AGO3: variants seen among roughly 807,000 people sequenced by gnomAD.
AGO3 encodes argonaute RISC catalytic component 3, also known as protein argonaute-3.
AGO3 carries 16 observed loss-of-function variants against 105.5 expected under a neutral mutation model. The ratio of observed to expected loss-of-function variants is 0.15; its 90% CI spans 0.10 to 0.23. The LOEUF is 0.23. AGO3 is among the 10% of genes least tolerant of loss of function. The pLI, the probability that AGO3 is intolerant of heterozygous loss-of-function variation, is 1.00. For synonymous variants in AGO3, 340 were observed against 367.3 expected (o/e 0.93, Z 0.85); for missense variants, 534 against 1,088.0 (o/e 0.49, Z 7.16).
intron 12 of AGO3, among the ~76,000 whole-genome samples, chr1:36,033,131 A>G (rs1265192424): frequency 6.6e-6 from 1 of 151,778 alleles, no homozygotes; most frequent in African/African-American, 2.4e-5. Flanking sequence ...CGAAACTCTT[A>G]TCTCAAAAAT....
chr1:35,997,935 G>A (rs1419660344), intron 5 of AGO3, among the ~76,000 whole-genome samples: 2 of 152,148 alleles, frequency 1.3e-5, no homozygotes, highest in Non-Finnish European at 2.9e-5. Context: ...GACCTCAGGT[G>A]ATCCACCCGC....
rs182696033 is a variant in AGO3 at position 36,060,874 on chromosome 1, G to A, written c.*5129G>A. 51 of 152,248 alleles carry A rather than the reference G, an allele frequency of 3.3e-4. No individual in the cohort carries two copies. Among genetic ancestry groups the A allele is most frequent in the African/African-American group, 8.2e-4 (34 of 41,538 alleles). 9.4% of individuals were successfully genotyped at this position (152,248 alleles called of 1,614,324 possible). A position where few individuals can be genotyped will look rare whatever the true frequency, so the allele number is the denominator to read the frequency against. ...ATGTCTTAAAGCTTCAGTAAGAATT[G>A]TTGGGAGGTTTGACATCAAGTAACG... is the stretch of plus-strand genomic sequence containing the variant. On this transcript the variant is annotated 3_prime_UTR_variant, in exon 19 of 19. Coordinates refer to ENST00000373191, the MANE Select transcript of AGO3 (RefSeq NM_024852.4).
chr1:35,994,154 G>A (rs1648040001), intron 5 of AGO3, among the ~76,000 whole-genome samples: 1 of 143,266 alleles, frequency 7.0e-6, no homozygotes, highest in Admixed American at 7.6e-5. Context: ...GAGCTATGCT[G>A]CTCAGGCTGG....
intron 4 of AGO3, 119 bp downstream of exon 4, chr1:35,972,351 A>T: frequency 8.6e-7 from 1 of 1,159,212 alleles, no homozygotes; most frequent in South Asian, 1.5e-5. Context: ...GAAATGTTGA[A>T]CAAGAATAGC....
At position 36,013,689 on chromosome 1, in the gene AGO3, G is replaced by A. The variant is rs41267265; in HGVS notation, c.1209G>A (p.Arg403=). The change falls in exon 10 of 19, where the codon CGG becomes CGA. Residue 403 remains arginine (R), a synonymous_variant. Transcript: ENST00000373191. ...PFVQEFQFKV[R]DEMAHVTGRV... ...TTCAGGAGTTTCAATTTAAAGTTCG[G>A]GATGAAATGGCTCATGTAACTGGAC... is the stretch of plus-strand genomic sequence containing the variant. The A allele has an allele frequency of 5.4e-3, 8,742 of 1,614,172 alleles. 46 individuals carry two copies. The highest frequency in any genetic ancestry group is 6.3e-3 in the Non-Finnish European group (7,458 of 1,180,028).
chr1:35,988,536 C>T (rs747235863), intron 5 of AGO3, among the ~76,000 whole-genome samples: 2 of 151,900 alleles, frequency 1.3e-5, no homozygotes, highest in Non-Finnish European at 2.9e-5. Flanking sequence ...CAGTATTTGT[C>T]TTTCTGTGTC....
intron 5 of AGO3, among the ~76,000 whole-genome samples, chr1:35,987,879 C>T (rs908137764): frequency 2.0e-5 from 3 of 151,768 alleles, no homozygotes; most frequent in Non-Finnish European, 2.9e-5. Flanking sequence ...ACCAGCCTGA[C>T]CAACATGGTG....
intron 8 of AGO3, 26 bp downstream of exon 8, chr1:36,009,070 T>C: frequency 6.8e-7 from 1 of 1,478,442 alleles, no homozygotes; most frequent in Non-Finnish European, 8.8e-7. Context: ...TGCTAATTAA[T>C]ACCCTGTTGT....
At chr1:36,010,156 G>A (rs376113596) in intron 9 of AGO3, among the ~76,000 whole-genome samples, 15 of 151,942 alleles carry the variant, frequency 9.9e-5, no homozygotes, top group Middle Eastern at 3.4e-3. Context: ...AGCCAGGATG[G>A]TCTCCATCTC....
At position 35,938,022 on chromosome 1, in the gene AGO3, C is replaced by G. The variant is rs1247046152; in HGVS notation, c.19+6577C>G. ...TTGAGACGGAGTCTTGCTCTGTCGC[C>G]CAGGCTGGAGTGCAATGGCATGATC... is the stretch of plus-strand genomic sequence containing the variant. On this transcript the variant is annotated intron_variant, in intron 1 of 18. Coordinates refer to ENST00000373191, the MANE Select transcript of AGO3 (RefSeq NM_024852.4). Among the ~76,000 whole-genome samples, 8 of 150,580 alleles carry G rather than the reference C, an allele frequency of 5.3e-5. No individual in the cohort carries two copies. In the South Asian group the frequency reaches 1.7e-3, roughly 32 times the overall value.
At chr1:36,015,218 T>C (rs1166280867) in intron 11 of AGO3, among the ~76,000 whole-genome samples, 1 of 152,160 alleles carries the variant, frequency 6.6e-6, no homozygotes, top group East Asian at 1.9e-4. Flanking sequence ...AAACACTTAC[T>C]ATGTTTACTG....
rs1261395986 is a variant in AGO3 at position 36,036,239 on chromosome 1, G to C, written c.1814G>C (p.Gly605Ala). The C allele has an allele frequency of 1.2e-6, 2 of 1,614,078 alleles. No individual in the cohort carries two copies. Among genetic ancestry groups the C allele is most frequent in the Non-Finnish European group, 1.7e-6 (2 of 1,179,988 alleles). ...LGADVTHPPAGDGKKPSIAAV... is the reference protein window; with the variant it reads ...LGADVTHPPAADGKKPSIAAV... Reference sequence around the variant, plus strand: ...GCCGATGTCACTCATCCACCTGCTGGTGATGGAAAGAAGCCTTCTATTGCT... The same window carrying C: ...GCCGATGTCACTCATCCACCTGCTGCTGATGGAAAGAAGCCTTCTATTGCT... Residue 605 changes from glycine (G) to alanine (A), a missense_variant, in exon 14 of 19, where the codon GGT becomes GCT. Transcript: ENST00000373191.
rs1485562539 is a variant in AGO3 at position 35,949,610 on chromosome 1, A to G, written c.191+3747A>G. 3.9e-5 allele frequency among the ~76,000 whole-genome samples: 6 copies of G among 152,326 alleles called. No individual in the cohort carries two copies. In the South Asian group the frequency reaches 6.2e-4, roughly 16 times the overall value. On this transcript the variant is annotated intron_variant, in intron 2 of 18. Coordinates refer to ENST00000373191, the MANE Select transcript of AGO3 (RefSeq NM_024852.4). ...TTAACTTATTCAAAATATTAAAACA[A>G]AACAAATTGTTTTATTTCCTTTTTT...
chr1:36,068,858 G>A lies in AGO3; in HGVS notation c.*13113G>A, dbSNP rs1475277817. On this transcript the variant is annotated 3_prime_UTR_variant, in exon 19 of 19. Transcript: ENST00000373191. ...CTAGTCAAGCGTGGGCTATAAGAGA[G>A]AAGGCTTAAGGTGTTCTTTAATGGA... The A allele has an allele frequency of 6.6e-6, 1 of 152,218 alleles. No homozygotes were observed. The allele number at this position is 152,218 out of a possible 1,614,324, so 9.4% of individuals were successfully genotyped here.
chr1:35,997,816 C>T (rs1356815156), intron 5 of AGO3, among the ~76,000 whole-genome samples: 1 of 152,094 alleles, frequency 6.6e-6, no homozygotes, highest in Non-Finnish European at 1.5e-5. Context: ...CCTGCCTCAG[C>T]CTCCCGAGTA....
intron 9 of AGO3, among the ~76,000 whole-genome samples, chr1:36,011,321 CTTTTA>C (rs949509262): frequency 6.6e-6 from 1 of 151,962 alleles, no homozygotes; most frequent in Non-Finnish European, 1.5e-5. Context: ...AAAACTGGCT[CTTTTA>C]TTTGGTAAGC....
intron 1 of AGO3, among the ~76,000 whole-genome samples, chr1:35,940,088 A>G (rs1646226225): frequency 6.6e-6 from 1 of 150,754 alleles, no homozygotes; most frequent in Admixed American, 6.6e-5. Context: ...TTTTTTTGAG[A>G]TACAGTCTCA....
chr1:35,995,497 A>G (rs1022078774), intron 5 of AGO3, among the ~76,000 whole-genome samples: 3 of 152,050 alleles, frequency 2.0e-5, no homozygotes, highest in African/African-American at 4.8e-5. Context: ...ACATAATAGA[A>G]TGCCAAAAAG....
rs13374569 is a variant in AGO3, at chr1:36,004,677, T to C, written c.793+202T>C. Among the ~76,000 whole-genome samples, 1,269 of 152,298 alleles carry C rather than the reference T, an allele frequency of 8.3e-3. 28 individuals carry two copies. Among genetic ancestry groups the C allele is most frequent in the African/African-American group, 0.027 (1,136 of 41,576 alleles). On this transcript the variant is annotated intron_variant, in intron 6 of 18. Transcript: ENST00000373191. ...TGAAAGAAATGCCAAGTAATGGAGTTAGTATCACTACCAGCTAATTTTTTG... is the reference window on the plus strand; with the variant it reads ...TGAAAGAAATGCCAAGTAATGGAGTCAGTATCACTACCAGCTAATTTTTTG...
Sources: gnomAD v4.1 joint callset for allele counts (sites outside exome capture counted in the v4.1 genomes callset) on GRCh38, gnomAD v4.1.1 for gene constraint, MANE v1.5 for transcripts, NCBI Gene and HGNC (gene_info 2026-07-23, HGNC 2026-07-21) for gene names.